The following RUNX1T1 variants were observed in gnomAD, a reference collection of about 807,000 sequenced individuals.
The protein encoded by RUNX1T1 is protein CBFA2T1.
In RUNX1T1, 4 loss-of-function variants were observed where a neutral mutation model predicts 62.8. The ratio of observed to expected loss-of-function variants is 0.06; its 90% CI spans 0.03 to 0.15. The LOEUF is 0.15. Among genes scored for constraint, RUNX1T1 ranks in the 10% least tolerant of loss-of-function variants. The pLI is 1.00. For synonymous variants in RUNX1T1, 291 were observed against 286.0 expected (o/e 1.02, Z -0.18); for missense variants, 508 against 754.3 (o/e 0.67, Z 3.82).
intron 1 of RUNX1T1, among the ~76,000 whole-genome samples, chr8:92,033,931 C>T (rs745757770): frequency 1.2e-4 from 18 of 151,478 alleles, no homozygotes; most frequent in South Asian, 4.2e-4. Flanking sequence ...ACTGCACCAC[C>T]GCACTCCAGC....
intron 1 of RUNX1T1, among the ~76,000 whole-genome samples, chr8:92,084,115 G>A (rs899333369): frequency 6.6e-6 from 1 of 152,082 alleles, no homozygotes; most frequent in African/African-American, 2.4e-5. Context: ...GGGGCTAAGG[G>A]AGGGACAGCA....
chr8:92,032,043 A>G (rs1479772025), intron 1 of RUNX1T1, among the ~76,000 whole-genome samples: 1 of 149,016 alleles, frequency 6.7e-6, no homozygotes, highest in Non-Finnish European at 1.5e-5. Flanking sequence ...CAGTGAGCCA[A>G]GATTGCACCA....
intron 1 of RUNX1T1, among the ~76,000 whole-genome samples, chr8:92,043,517 T>G (rs1828839411): frequency 1.3e-5 from 2 of 151,932 alleles, no homozygotes; most frequent in African/African-American, 4.8e-5. Flanking sequence ...TACATAAAAT[T>G]TTAAAATAAA....
intron 2 of RUNX1T1, chr8:92,071,494 A>G (rs1207550186): frequency 6.9e-6 from 1 of 145,906 alleles, no homozygotes; most frequent in Admixed American, 6.8e-5. Context: ...CCAAATTCTT[A>G]GATCTTTTTT....
At chr8:92,020,557 GA>G (rs1392390894) in intron 1 of RUNX1T1, among the ~76,000 whole-genome samples, 1 of 151,918 alleles carries the variant, frequency 6.6e-6, no homozygotes, top group Non-Finnish European at 1.5e-5. Context: ...AAAAGCAAAA[GA>G]AAAAACCTCC....
intron 1 of RUNX1T1, among the ~76,000 whole-genome samples, chr8:92,057,157 G>A (rs1700852396): frequency 6.6e-6 from 1 of 152,116 alleles, no homozygotes; most frequent in Non-Finnish European, 1.5e-5. Flanking sequence ...TGATGATGAA[G>A]GCTAATGCTT....
At chr8:91,973,284 G>A (rs1320307086) in intron 9 of RUNX1T1, among the ~76,000 whole-genome samples, 1 of 151,378 alleles carries the variant, frequency 6.6e-6, no homozygotes, top group African/African-American at 2.4e-5. Flanking sequence ...TGAAAGGGAG[G>A]AAAAGAGAAA....
intron 1 of RUNX1T1, among the ~76,000 whole-genome samples, chr8:92,023,843 A>C (rs146126966): frequency 2.0e-5 from 3 of 152,256 alleles, no homozygotes; most frequent in African/African-American, 7.2e-5. Flanking sequence ...TACCCAAGAC[A>C]CCAACAGGCC....
At chr8:92,070,334 G>A (rs1001990396) in intron 2 of RUNX1T1, among the ~76,000 whole-genome samples, 3 of 152,202 alleles carry the variant, frequency 2.0e-5, no homozygotes, top group African/African-American at 7.2e-5. Context: ...AATATTGGCT[G>A]TGGCTTAAAA....
chr8:92,045,101 A>G (rs1490942230), intron 1 of RUNX1T1, among the ~76,000 whole-genome samples: 2 of 151,698 alleles, frequency 1.3e-5, no homozygotes, highest in African/African-American at 4.8e-5. Flanking sequence ...TATATATATT[A>G]TACATATATT....
At chr8:92,099,672 G>C (rs1281710903) in exon 1 of RUNX1T1, 1 of 984,922 alleles carries the variant, frequency 1.0e-6, no homozygotes, top group Non-Finnish European at 1.2e-6. Flanking sequence ...GCTATGAAGG[G>C]CTATGTTGCC....
At chr8:92,095,704 G>A (rs992194617) in intron 1 of RUNX1T1, 14 of 697,274 alleles carry the variant, frequency 2.0e-5, no homozygotes, top group African/African-American at 2.0e-4. Flanking sequence ...GGGGGCGGGG[G>A]CTCAGACCCC....
intron 1 of RUNX1T1, chr8:92,095,512 C>A (rs1837664257): frequency 1.3e-6 from 2 of 1,509,764 alleles, no homozygotes; most frequent in Non-Finnish European, 8.8e-7. Context: ...AGGAGAGAAG[C>A]CAACGTGCAT....
chr8:91,991,807 G>A (rs1192234177), exon 6 of RUNX1T1: 4 of 1,614,104 alleles, frequency 2.5e-6, no homozygotes, highest in East Asian at 2.2e-5. Flanking sequence ...GGACTGTACC[G>A]CTGGCCTGGG....
At chr8:91,962,504 G>A (rs1038488067) in intron 10 of RUNX1T1, among the ~76,000 whole-genome samples, 5 of 152,216 alleles carry the variant, frequency 3.3e-5, no homozygotes, top group African/African-American at 1.2e-4. Flanking sequence ...CAAAAGATGT[G>A]AAGCTCTGAT....
At chr8:91,988,375 C>T (rs894963352) in intron 6 of RUNX1T1, among the ~76,000 whole-genome samples, 6 of 151,960 alleles carry the variant, frequency 3.9e-5, no homozygotes, top group Admixed American at 1.3e-4. Context: ...AGTAAAAGTG[C>T]AAATATGTTT....
At chr8:91,994,710 C>G (rs536677598) in intron 5 of RUNX1T1, 45 of 427,032 alleles carry the variant, frequency 1.1e-4, no homozygotes, top group Non-Finnish European at 1.5e-4. Flanking sequence ...GAACTTTTCC[C>G]CAAAACAATC....
At position 92,005,306 on chromosome 8, in the gene RUNX1T1, G is replaced by C; in HGVS notation, c.478-9C>G. ...AGCAGGGGCAAGTTGGCCTGCAAGG[G>C]AATGACAGGAATGAGAGGACGGACT... On this transcript the variant is annotated splice_polypyrimidine_tract_variant and intron_variant, in intron 4 of 10. Coordinates refer to ENST00000396218, the Ensembl canonical transcript of RUNX1T1. 1.2e-6 allele frequency: 2 copies of C among 1,607,500 alleles called. No homozygotes were observed. The highest frequency in any genetic ancestry group is 1.7e-6 in the Non-Finnish European group (2 of 1,178,308).
chr8:92,003,278 G>A, intron 5 of RUNX1T1: 1 of 450,026 alleles, frequency 2.2e-6, no homozygotes, highest in Non-Finnish European at 4.5e-6. Context: ...TCATATCAGT[G>A]TTAACATACT....
Sources: gnomAD v4.1 joint callset for allele counts (sites outside exome capture counted in the v4.1 genomes callset) on GRCh38, gnomAD v4.1.1 for gene constraint, MANE v1.5 for transcripts, NCBI Gene and HGNC (gene_info 2026-07-23, HGNC 2026-07-21) for gene names.